The following ADAMTS6 variants were observed in gnomAD, a reference collection of about 807,000 sequenced individuals.
The protein encoded by ADAMTS6 is A disintegrin and metalloproteinase with thrombospondin motifs 6.
ADAMTS6 carries 23 observed loss-of-function variants against 144.3 expected under a neutral mutation model. That is an observed-to-expected ratio of 0.16 (90% CI 0.11 to 0.23). The LOEUF (loss-of-function observed/expected upper bound fraction) is 0.23, where lower values mean the gene tolerates loss of function less well. Among genes scored for constraint, ADAMTS6 ranks in the 10% least tolerant of loss-of-function variants. ADAMTS6 has a pLI of 1.00. For synonymous variants in ADAMTS6, 444 were observed against 457.5 expected, an observed-to-expected ratio of 0.97 and a Z score of 0.38; for missense variants, 999 against 1,379.6, an observed-to-expected ratio of 0.72 and a Z score of 4.37.
chr5:65,312,542 G>C (rs1008721422), intron 9 of ADAMTS6, among the ~76,000 whole-genome samples: 9 of 151,888 alleles, frequency 5.9e-5, no homozygotes, highest in Non-Finnish European at 1.3e-4. Flanking sequence ...TTCTACTTTT[G>C]AACTTTATAT....
intron 7 of ADAMTS6, among the ~76,000 whole-genome samples, chr5:65,441,031 TAAAG>T (rs1757821924): frequency 6.6e-6 from 1 of 151,998 alleles, no homozygotes; most frequent in Admixed American, 6.6e-5. Flanking sequence ...CAGTACATAA[TAAAG>T]AAATTGTCAA....
intron 9 of ADAMTS6, among the ~76,000 whole-genome samples, chr5:65,308,673 T>C (rs963201549): frequency 6.6e-6 from 1 of 152,288 alleles, no homozygotes; most frequent in South Asian, 2.1e-4. Flanking sequence ...GGTTTTTACA[T>C]TACCTTATAT....
intron 9 of ADAMTS6, among the ~76,000 whole-genome samples, chr5:65,316,726 AT>A (rs1561414540): frequency 6.6e-6 from 1 of 152,216 alleles, no homozygotes; most frequent in African/African-American, 2.4e-5. Context: ...AATAACTAAT[AT>A]TATTAAGGAT....
At position 65,214,269 on chromosome 5, in the gene ADAMTS6, A is replaced by T. The variant is rs1561286553; in HGVS notation, c.2575+525T>A. 3.6e-6 allele frequency: 1 copy of T among 278,932 alleles called. No homozygotes were observed. Among genetic ancestry groups the T allele is most frequent in the Non-Finnish European group, 7.2e-6 (1 of 138,852 alleles). 17.3% of individuals were successfully genotyped at this position (278,932 alleles called of 1,614,324 possible). The stretch of plus-strand genomic sequence containing the variant: ...GTAATGGGGTCAGTATACACCATTA[A>T]CCCAGAACCCAGATACCAGTAATTA... On this transcript the variant is annotated intron_variant, in intron 20 of 24. Transcript: ENST00000381055. The surrounding 1 kb of genome is among the most constrained non-coding windows in gnomAD (Gnocchi z 4.6).
intron 7 of ADAMTS6, among the ~76,000 whole-genome samples, chr5:65,363,748 T>C (rs74522248): frequency 1.9e-4 from 29 of 152,302 alleles, no homozygotes; most frequent in African/African-American, 7.0e-4. Flanking sequence ...AATAAGAGAC[T>C]TTTAAATAAT....
At chr5:65,280,566 T>TA in intron 11 of ADAMTS6, among the ~76,000 whole-genome samples, 1 of 152,202 alleles carries the variant, frequency 6.6e-6, no homozygotes, top group African/African-American at 2.4e-5. Context: ...ATCATTAATA[T>TA]ACTAGGAAAC....
In ADAMTS6 at chr5:65,448,823, A is replaced by G. The variant is rs552411785; in HGVS notation, c.1073+2652T>C. Among the ~76,000 whole-genome samples the G allele has an allele frequency of 1.6e-3, 238 of 152,290 alleles. 1 individual carries two copies. The highest frequency in any genetic ancestry group is 0.014 in the Middle Eastern group (4 of 294). On this transcript the variant is annotated intron_variant, in intron 7 of 24. Coordinates refer to ENST00000381055, the MANE Select transcript of ADAMTS6 (RefSeq NM_197941.4). The stretch of plus-strand genomic sequence containing the variant: ...ACATTTCAAGCAAACATGCATCATG[A>G]TCTTACCCATAAACAGTCAGGTCAC...
At chr5:65,296,638 G>A (rs1365218622) in intron 10 of ADAMTS6, among the ~76,000 whole-genome samples, 2 of 152,106 alleles carry the variant, frequency 1.3e-5, no homozygotes, top group African/African-American at 4.8e-5. Flanking sequence ...TGCTAGAGAG[G>A]AAATGTAAGT....
intron 18 of ADAMTS6, among the ~76,000 whole-genome samples, chr5:65,218,413 A>C (rs1757079631): frequency 6.6e-6 from 1 of 152,226 alleles, no homozygotes; most frequent in South Asian, 2.1e-4. Flanking sequence ...AAACATTCAC[A>C]GTGTACAACA....
chr5:65,236,685 C>T (rs977697529), intron 15 of ADAMTS6, among the ~76,000 whole-genome samples: 2 of 151,990 alleles, frequency 1.3e-5, no homozygotes, highest in African/African-American at 4.8e-5. Context: ...TTCTAAGTAA[C>T]CCAGAGGTCA....
At chr5:65,247,075 C>T (rs1235415676) in intron 14 of ADAMTS6, among the ~76,000 whole-genome samples, 1 of 152,070 alleles carries the variant, frequency 6.6e-6, no homozygotes, top group Non-Finnish European at 1.5e-5. Flanking sequence ...AAGTAAAAGC[C>T]TGACAGATTT....
intron 14 of ADAMTS6, among the ~76,000 whole-genome samples, chr5:65,245,658 T>C (rs1484274980): frequency 2.0e-5 from 3 of 152,152 alleles, no homozygotes; most frequent in East Asian, 3.8e-4. Context: ...TGAATAAAGA[T>C]AGGTTTCCAC....
At chr5:65,273,704 A>C (rs1762233027) in intron 11 of ADAMTS6, among the ~76,000 whole-genome samples, 1 of 152,182 alleles carries the variant, frequency 6.6e-6, no homozygotes, top group Non-Finnish European at 1.5e-5. Flanking sequence ...TCTTTTTACA[A>C]TAGTGTATAG....
chr5:65,377,273 T>G (rs1482963860), intron 7 of ADAMTS6, among the ~76,000 whole-genome samples: 1 of 152,234 alleles, frequency 6.6e-6, no homozygotes, highest in Non-Finnish European at 1.5e-5. Context: ...TTTGCCCATG[T>G]GCTCTATGAC....
intron 9 of ADAMTS6, among the ~76,000 whole-genome samples, chr5:65,304,020 C>T (rs1743699898): frequency 6.6e-6 from 1 of 152,006 alleles, no homozygotes; most frequent in African/African-American, 2.4e-5. Context: ...GATTTTAAAA[C>T]CAATGAACTC....
At chr5:65,450,945 A>G (rs957933336) in intron 7 of ADAMTS6, among the ~76,000 whole-genome samples, 2 of 152,208 alleles carry the variant, frequency 1.3e-5, no homozygotes, top group African/African-American at 4.8e-5. Context: ...AAGCTGTTCA[A>G]CACATAGTGT....
chr5:65,380,995 G>A (rs1751989761), intron 7 of ADAMTS6, among the ~76,000 whole-genome samples: 1 of 152,232 alleles, frequency 6.6e-6, no homozygotes, highest in East Asian at 1.9e-4. Flanking sequence ...CTCAATTAAT[G>A]TAAATTAAGC....
intron 24 of ADAMTS6, 23 bp downstream of exon 24, chr5:65,170,594 C>G (rs1186210993): frequency 6.2e-7 from 1 of 1,611,910 alleles, no homozygotes. Flanking sequence ...AAACCACAGG[C>G]CCCTCCTCCA....
At chr5:65,242,036 T>C in intron 15 of ADAMTS6, 68 bp downstream of exon 15, 1 of 1,093,156 alleles carries the variant, frequency 9.1e-7, no homozygotes, top group Admixed American at 2.4e-5. Context: ...TGTGTTTGTA[T>C]ATATTTGTAT....
Sources: gnomAD v4.1 joint callset for allele counts (sites outside exome capture counted in the v4.1 genomes callset) on GRCh38, gnomAD v4.1.1 for gene constraint, Gnocchi (gnomAD v3.1) non-coding constraint, MANE v1.5 for transcripts, NCBI Gene and HGNC (gene_info 2026-07-23, HGNC 2026-07-21) for gene names.